Variants in MEIOB observed in about 807,000 individuals in gnomAD.
MEIOB encodes meiosis-specific with OB domain-containing protein.
A neutral mutation model predicts 53.1 loss-of-function variants in MEIOB; 50 were observed. The observed-to-expected ratio is 0.94, with a 90% confidence interval of 0.75 to 1.19. MEIOB has a LOEUF of 1.19. Among genes scored for constraint, MEIOB ranks in the 50% most tolerant of loss-of-function variants. The pLI is 0.00. For missense variants in MEIOB, 551 were observed against 550.8 expected (o/e 1.00, Z 0.00); for synonymous variants, 192 against 182.5 (o/e 1.05, Z -0.42).
At chr16:1,857,687 C>A in intron 6 of MEIOB, 48 bp downstream of exon 6, 1 of 1,448,452 alleles carries the variant, frequency 6.9e-7, no homozygotes, top group Non-Finnish European at 9.4e-7. Flanking sequence ...CAAGTGACTG[C>A]ACCTCCCCTG....
intron 1 of MEIOB, among the ~76,000 whole-genome samples, chr16:1,870,628 T>C (rs1657094): frequency 0.83 from 125,543 of 152,156 alleles, 51,921 homozygotes; most frequent in Middle Eastern, 0.9. Flanking sequence ...GATGCCTCGA[T>C]GTTCACAGGC....
chr16:1,869,372 G>T (rs984910668), intron 1 of MEIOB, among the ~76,000 whole-genome samples: 1 of 151,842 alleles, frequency 6.6e-6, no homozygotes, highest in African/African-American at 2.4e-5. Context: ...TGATCCGGCC[G>T]CCCCCAAAGT....
At chr16:1,860,843 A>G (rs1391021936) in intron 4 of MEIOB, among the ~76,000 whole-genome samples, 1 of 152,198 alleles carries the variant, frequency 6.6e-6, no homozygotes, top group Admixed American at 6.5e-5. Flanking sequence ...GCAATATATG[A>G]TTAGGTTCTA....
At chr16:1,845,313 A>C (rs1361461756) in intron 9 of MEIOB, among the ~76,000 whole-genome samples, 1 of 152,142 alleles carries the variant, frequency 6.6e-6, no homozygotes, top group South Asian at 2.1e-4. Context: ...AGGTCAGGAG[A>C]TGGAGACCAT....
At chr16:1,849,699 C>A (rs9938724) in intron 9 of MEIOB, among the ~76,000 whole-genome samples, 125,470 of 151,722 alleles carry the variant, frequency 0.83, 52,001 homozygotes, top group Middle Eastern at 0.9. Context: ...AACAAGCACA[C>A]AAATTCGTGC....
At chr16:1,868,219 T>C (rs1309820495) in intron 1 of MEIOB, 35 bp from the exon 2 acceptor site, 2 of 1,102,180 alleles carry the variant, frequency 1.8e-6, no homozygotes, top group African/African-American at 1.6e-5. Flanking sequence ...GATATATAAA[T>C]TGAATAAATG....
At chr16:1,838,978 C>T (rs1199271971) in intron 12 of MEIOB, among the ~76,000 whole-genome samples, 3 of 152,194 alleles carry the variant, frequency 2.0e-5, no homozygotes, top group Non-Finnish European at 2.9e-5. Context: ...AGGCGTGAGC[C>T]ACGGTGCCCA....
chr16:1,839,112 G>T, intron 12 of MEIOB, 143 bp downstream of exon 12: 1 of 959,138 alleles, frequency 1.0e-6, no homozygotes, highest in Non-Finnish European at 1.5e-6. Context: ...AGCAATGTGT[G>T]TTTAAAGCAA....
At chr16:1,857,086 G>A (rs1184576658) in intron 6 of MEIOB, among the ~76,000 whole-genome samples, 1 of 152,144 alleles carries the variant, frequency 6.6e-6, no homozygotes, top group African/African-American at 2.4e-5. Flanking sequence ...TTTATTTTGT[G>A]AAACTTTACC....
Position 1,848,437 on chromosome 16 carries a change from A to G in MEIOB, c.779-3474T>C, listed in dbSNP as rs117038187. 2.5e-3 allele frequency among the ~76,000 whole-genome samples: 374 copies of G among 152,142 alleles called. 7 individuals are homozygous for G. In the East Asian group the frequency reaches 0.065, roughly 27 times the overall value. Reference sequence around the variant, plus strand: ...AGAACATGCCTTCAGGGAGTGATCTAAAACTTCCCTCTTTTCCTCCTGGTC... The same window carrying G: ...AGAACATGCCTTCAGGGAGTGATCTGAAACTTCCCTCTTTTCCTCCTGGTC... On this transcript the variant is annotated intron_variant, in intron 9 of 13. Transcript: ENST00000325962.
At chr16:1,847,839 G>A (rs1899064047) in intron 9 of MEIOB, among the ~76,000 whole-genome samples, 1 of 152,122 alleles carries the variant, frequency 6.6e-6, no homozygotes. Flanking sequence ...CTCACAGCTC[G>A]CTGAATGCCT....
intron 7 of MEIOB, 127 bp from the exon 8 acceptor site, chr16:1,853,398 ACCT>A (rs1445149688): frequency 4.3e-6 from 3 of 700,514 alleles, no homozygotes; most frequent in Non-Finnish European, 7.2e-6. Flanking sequence ...GTGGTCAAAG[ACCT>A]CCTAGTCTTA....
At chr16:1,843,023 A>G (rs1167806331) in intron 10 of MEIOB, among the ~76,000 whole-genome samples, 1 of 147,864 alleles carries the variant, frequency 6.8e-6, no homozygotes, top group Non-Finnish European at 1.5e-5. Flanking sequence ...AGCCAGGCGC[A>G]GTGGCTCACG....
chr16:1,838,141 A>G (rs1429649453), intron 12 of MEIOB: 1 of 554,356 alleles, frequency 1.8e-6, no homozygotes, highest in South Asian at 2.7e-5. Context: ...ACAGGTATGC[A>G]CTACTCTTCT....
rs1321681592 is a variant in MEIOB, at chr16:1,867,992, GT to G, written c.69+114del. On this transcript the variant is annotated intron_variant, in intron 2 of 13. Coordinates refer to ENST00000325962, the MANE Select transcript of MEIOB (RefSeq NM_001163560.3). ...TCTAACAATTATACCAATGCAATGAGTATCTATATACTTGCCAATTATAAAA... is the reference window on the plus strand; with the variant it reads ...TCTAACAATTATACCAATGCAATGAGATCTATATACTTGCCAATTATAAAA... The G allele has an allele frequency of 2.5e-5, 14 of 569,208 alleles. 1 individual carries two copies. The highest frequency in any genetic ancestry group is 4.5e-5 in the Non-Finnish European group (14 of 312,400). 35.3% of individuals were successfully genotyped at this position (569,208 alleles called of 1,614,324 possible).
rs111229388 is a variant in MEIOB at position 1,863,129 on chromosome 16, G to A, written c.128-1013C>T. Among the ~76,000 whole-genome samples, 1,444 of 152,068 alleles carry A rather than the reference G, an allele frequency of 9.5e-3. 13 individuals are homozygous for A. Among genetic ancestry groups the A allele is most frequent in the Middle Eastern group, 0.082 (24 of 294 alleles). On this transcript the variant is annotated intron_variant, in intron 3 of 13. Coordinates refer to ENST00000325962, the MANE Select transcript of MEIOB (RefSeq NM_001163560.3). ...CTCAGCTACTTGGGAGGCTGAGGAG[G>A]AAAGGTTGCTTGAGCCCAGTTTAAG...
intron 6 of MEIOB, among the ~76,000 whole-genome samples, chr16:1,855,636 G>A (rs562822943): frequency 6.6e-6 from 1 of 152,266 alleles, no homozygotes; most frequent in South Asian, 2.1e-4. Flanking sequence ...CATTATAAAC[G>A]TAATAGCACT....
chr16:1,857,689 C>T, intron 6 of MEIOB, 46 bp downstream of exon 6: 1 of 1,465,306 alleles, frequency 6.8e-7, no homozygotes, highest in Non-Finnish European at 9.3e-7. Flanking sequence ...AGTGACTGCA[C>T]CTCCCCTGCC....
At position 1,845,043 on chromosome 16, in the gene MEIOB, A is replaced by T. The variant is rs1220922492; in HGVS notation, c.779-80T>A. On this transcript the variant is annotated intron_variant, in intron 9 of 13. Coordinates refer to ENST00000325962, the MANE Select transcript of MEIOB (RefSeq NM_001163560.3). ...CATTTAAATCATCCAAAATCATTTTAATAGTAAAAAGTGAAGACATGTAAG... is the reference window on the plus strand; with the variant it reads ...CATTTAAATCATCCAAAATCATTTTTATAGTAAAAAGTGAAGACATGTAAG... 1.2e-5 allele frequency: 8 copies of T among 670,326 alleles called. No homozygotes were observed. The East Asian group carries it at 2.3e-4, about 19-fold the overall frequency. The allele number at this position is 670,326 out of a possible 1,614,324, so 41.5% of individuals were successfully genotyped here. A position where few individuals can be genotyped will look rare whatever the true frequency, so the allele number is the denominator to read the frequency against.
Sources: gnomAD v4.1 joint callset for allele counts (sites outside exome capture counted in the v4.1 genomes callset) on GRCh38, gnomAD v4.1.1 for gene constraint, MANE v1.5 for transcripts, NCBI Gene and HGNC (gene_info 2026-07-23, HGNC 2026-07-21) for gene names.